The following LRP11 variants were observed in gnomAD, a reference collection of about 807,000 sequenced individuals.
LRP11 encodes the protein low-density lipoprotein receptor-related protein 11.
Under a neutral mutation model 43.1 loss-of-function variants are expected in LRP11, and 25 were observed. The observed-to-expected ratio is 0.58, with a 90% CI of 0.42 to 0.81. LRP11 has a LOEUF of 0.81. Among genes scored for constraint, LRP11 ranks in the 30% least tolerant of loss-of-function variants. The probability of loss-of-function intolerance (pLI) is 0.00; values close to 1 mark genes in which losing one functional copy is unlikely to be tolerated. For synonymous variants in LRP11, 316 were observed against 299.4 expected, an observed-to-expected ratio of 1.06 and a Z score of -0.57; for missense variants, 623 against 665.1, an observed-to-expected ratio of 0.94 and a Z score of 0.70.
At chr6:149,846,575 G>A (rs920158171) in intron 2 of LRP11, among the ~76,000 whole-genome samples, 1 of 152,138 alleles carries the variant, frequency 6.6e-6, no homozygotes, top group Non-Finnish European at 1.5e-5. Flanking sequence ...GGTGTGACGG[G>A]GATGCTGAGT....
intron 1 of LRP11, among the ~76,000 whole-genome samples, chr6:149,860,465 C>T (rs1191421634): frequency 6.6e-6 from 1 of 151,524 alleles, no homozygotes; most frequent in African/African-American, 2.4e-5. Context: ...CCCCAACCCT[C>T]TAGTCATGGG....
In LRP11 at chr6:149,863,834, GGA is replaced by G; in HGVS notation, c.185_186del (p.Phe62SerfsTer40). 6.6e-7 allele frequency: 1 copy of G among 1,511,848 alleles called. No individual in the cohort carries two copies. The highest frequency in any genetic ancestry group is 8.8e-7 in the Non-Finnish European group (1 of 1,139,150). 93.7% of individuals were successfully genotyped at this position (1,511,848 alleles called of 1,614,324 possible). On this transcript the variant is annotated frameshift_variant, in exon 1 of 7. Coordinates refer to ENST00000239367, the MANE Select transcript of LRP11 (RefSeq NM_032832.6). LOFTEE classifies it high-confidence loss of function. ...GGCCGCTCCTGCTGCAGTTGCCGGCGGAACTCCTCCAGCAGCTGCTCCACGCC... is the reference window on the plus strand; with the variant it reads ...GGCCGCTCCTGCTGCAGTTGCCGGCGACTCCTCCAGCAGCTGCTCCACGCC... ...LSGVEQLLEE[F>X]RRQLQQERPQ...
intron 5 of LRP11, among the ~76,000 whole-genome samples, chr6:149,833,124 A>T (rs1776430623): frequency 3.3e-5 from 5 of 152,102 alleles, no homozygotes; most frequent in Admixed American, 3.3e-4. Flanking sequence ...TTTTTAGTAG[A>T]GATGGGGTTT....
chr6:149,864,300 C>G lies in LRP11; in HGVS notation c.-280G>C. On this transcript the variant is annotated 5_prime_UTR_variant, in exon 1 of 7. Transcript: ENST00000239367. ...TGCGCCTCTCCGCCCCGGCCTGCGG[C>G]GCGCTGGGTGGCGACGAGTCGGCCT... is the stretch of plus-strand genomic sequence containing the variant. The G allele has an allele frequency of 9.6e-7, 1 of 1,041,254 alleles. No homozygotes were observed. The highest frequency in any genetic ancestry group is 4.6e-5 in the South Asian group (1 of 21,808). The allele number at this position is 1,041,254 out of a possible 1,614,324, so 64.5% of individuals were successfully genotyped here.
At chr6:149,859,396 A>ATATATATATATTTATTTTTTTTTTT in intron 1 of LRP11, among the ~76,000 whole-genome samples, 1 of 71,512 alleles carries the variant, frequency 1.4e-5, no homozygotes, top group African/African-American at 8.2e-5. Context: ...ATATATATAT[A>ATATATATATATTTATTTTTTTTTTT]TTTTTTTTTT....
At chr6:149,821,845 C>T (rs2115368771) in intron 6 of LRP11, among the ~76,000 whole-genome samples, 1 of 152,316 alleles carries the variant, frequency 6.6e-6, no homozygotes, top group East Asian at 1.9e-4. Flanking sequence ...TTCATTCATT[C>T]TGCATTCATT....
At chr6:149,856,891 C>T (rs1192438370) in intron 1 of LRP11, among the ~76,000 whole-genome samples, 2 of 152,040 alleles carry the variant, frequency 1.3e-5, no homozygotes, top group East Asian at 1.9e-4. Context: ...GGAAGCGGGG[C>T]GAGACTAGGG....
chr6:149,828,650 G>A (rs1422510669), intron 5 of LRP11, among the ~76,000 whole-genome samples: 1 of 151,830 alleles, frequency 6.6e-6, no homozygotes. Flanking sequence ...CACCACACCT[G>A]ACTAATTTTT....
chr6:149,852,001 C>A lies in LRP11; in HGVS notation c.771+1002G>T, dbSNP rs558382416. On this transcript the variant is annotated intron_variant, in intron 2 of 6. Coordinates refer to ENST00000239367, the MANE Select transcript of LRP11 (RefSeq NM_032832.6). ...AAAACCAGCAGATCTTGCGAGAACTCACTCACTATCATGAGAATAGCATGG... is the reference window on the plus strand; with the variant it reads ...AAAACCAGCAGATCTTGCGAGAACTAACTCACTATCATGAGAATAGCATGG... Among the ~76,000 whole-genome samples the A allele has an allele frequency of 2.6e-5, 4 of 152,296 alleles. No individual in the cohort carries two copies. The East Asian group carries it at 7.7e-4, about 29-fold the overall frequency.
At chr6:149,821,182 G>A (rs184630119) in intron 6 of LRP11, among the ~76,000 whole-genome samples, 2 of 152,176 alleles carry the variant, frequency 1.3e-5, no homozygotes, top group Admixed American at 6.5e-5. Flanking sequence ...ACCTGCCTCG[G>A]CCTCCCAAAG....
chr6:149,841,803 T>C lies in LRP11; in HGVS notation c.913+1180A>G, dbSNP rs1471911541. On this transcript the variant is annotated intron_variant, in intron 3 of 6. Coordinates refer to ENST00000239367, the MANE Select transcript of LRP11 (RefSeq NM_032832.6). The stretch of plus-strand genomic sequence containing the variant: ...GGTGCACACCTGTAGTCCCAGCTAC[T>C]TGGGAGGCTGAGGCAGGAGAATCAC... Among the ~76,000 whole-genome samples, 2 of 152,006 alleles carry C rather than the reference T, an allele frequency of 1.3e-5. 1 individual carries two copies. Among genetic ancestry groups the C allele is most frequent in the South Asian group, 4.1e-4 (2 of 4,822 alleles).
chr6:149,863,767 G>A lies in LRP11; in HGVS notation c.254C>T (p.Pro85Leu), dbSNP rs1395009497. Residue 85 changes from proline (P) to leucine (L), a missense_variant, in exon 1 of 7, where the codon CCC becomes CTC. By Grantham distance (98) the Pro-to-Leu change is moderately conservative. Coordinates refer to ENST00000239367, the MANE Select transcript of LRP11 (RefSeq NM_032832.6). ...GCCCGGGCCCGGGCAGTCCTCCTGG[G>A]GGCCGCCGCCCGCGCGCAGCTCCAG... is the stretch of plus-strand genomic sequence containing the variant. ...LELELRAGGG[P>L]QEDCPGPGSG... The A allele has an allele frequency of 1.4e-6, 2 of 1,478,300 alleles. No homozygotes were observed. Among genetic ancestry groups the A allele is most frequent in the Non-Finnish European group, 1.8e-6 (2 of 1,121,278 alleles). The allele number at this position is 1,478,300 out of a possible 1,614,324, so 91.6% of individuals were successfully genotyped here.
chr6:149,856,694 C>T (rs1040229104), intron 1 of LRP11, among the ~76,000 whole-genome samples: 1 of 152,138 alleles, frequency 6.6e-6, no homozygotes, highest in Non-Finnish European at 1.5e-5. Context: ...AAGACTCCTG[C>T]CGATTGAGAA....
intron 1 of LRP11, among the ~76,000 whole-genome samples, chr6:149,856,854 C>T (rs1268645682): frequency 6.6e-6 from 1 of 152,112 alleles, no homozygotes; most frequent in Non-Finnish European, 1.5e-5. Context: ...GGCAGAGCAA[C>T]TGGAAAGAAC....
chr6:149,863,342 A>G (rs913808325), intron 1 of LRP11, 66 bp downstream of exon 1: 3 of 1,295,544 alleles, frequency 2.3e-6, no homozygotes, highest in Admixed American at 3.1e-5. Flanking sequence ...TTCGCTTCCA[A>G]CTTGGCGAGG....
intron 1 of LRP11, among the ~76,000 whole-genome samples, chr6:149,858,380 T>C (rs1285842106): frequency 6.6e-6 from 1 of 152,172 alleles, no homozygotes; most frequent in Non-Finnish European, 1.5e-5. Context: ...GAACTCATCC[T>C]TTTTTTATGG....
At chr6:149,850,637 C>A (rs903792034) in intron 2 of LRP11, among the ~76,000 whole-genome samples, 1 of 152,142 alleles carries the variant, frequency 6.6e-6, no homozygotes, top group South Asian at 2.1e-4. Context: ...ACTAATAGAT[C>A]GGTTAGTATC....
chr6:149,832,349 GC>G, intron 5 of LRP11, among the ~76,000 whole-genome samples: 1 of 151,720 alleles, frequency 6.6e-6, no homozygotes, highest in East Asian at 2.0e-4. Flanking sequence ...CTGACACTAC[GC>G]CCAGCTAATT....
Position 149,843,140 on chromosome 6 carries a change from G to C in LRP11, c.772-16C>G. 1 of 1,613,916 alleles carries C rather than the reference G, an allele frequency of 6.2e-7. No homozygotes were observed. The highest frequency in any genetic ancestry group is 8.5e-7 in the Non-Finnish European group (1 of 1,179,916). On this transcript the variant is annotated splice_polypyrimidine_tract_variant and intron_variant, in intron 2 of 6. Transcript: ENST00000239367. Reference sequence around the variant, plus strand: ...ATTGAGGCACCTGCCACACAGATGGGACACATCACGTCGAGCAGCAGACTT... The same window carrying C: ...ATTGAGGCACCTGCCACACAGATGGCACACATCACGTCGAGCAGCAGACTT...
Sources: gnomAD v4.1 joint callset for allele counts (sites outside exome capture counted in the v4.1 genomes callset) on GRCh38, gnomAD v4.1.1 for gene constraint, MANE v1.5 for transcripts, NCBI Gene and HGNC (gene_info 2026-07-23, HGNC 2026-07-21) for gene names.